Variants in TRIP13 observed in about 807,000 individuals in gnomAD.
The protein encoded by TRIP13 is thyroid hormone receptor interactor 13, also known as pachytene checkpoint protein 2 homolog.
Under a neutral mutation model 54.4 loss-of-function variants are expected in TRIP13, and 25 were observed. The observed-to-expected ratio is 0.46, with a 90% CI of 0.33 to 0.64. TRIP13 has a LOEUF of 0.64. Ranked by LOEUF, TRIP13 falls within the 30% of genes least tolerant of loss-of-function variation. The pLI is 0.02. For missense variants in TRIP13, 373 were observed against 534.2 expected (o/e 0.70, Z 2.97); for synonymous variants, 207 against 207.8 (o/e 1.00, Z 0.03).
intron 2 of TRIP13, among the ~76,000 whole-genome samples, chr5:895,829 A>G (rs573009707): frequency 4.6e-4 from 70 of 152,280 alleles, no homozygotes; most frequent in African/African-American, 1.4e-3. Context: ...TTCTGAACAG[A>G]TGTTTGTTAG....
intron 11 of TRIP13, among the ~76,000 whole-genome samples, chr5:914,848 C>T (rs957830166): frequency 1.6e-4 from 24 of 152,042 alleles, no homozygotes; most frequent in Admixed American, 9.2e-4. Context: ...CTACGGCTGA[C>T]GACACTTACA....
At chr5:896,901 G>A (rs911516397) in intron 3 of TRIP13, 107 bp downstream of exon 3, 4 of 1,298,682 alleles carry the variant, frequency 3.1e-6, no homozygotes, top group Middle Eastern at 2.2e-4. Context: ...TGTTTTGTAG[G>A]ATTTTAGGAT....
chr5:901,368 C>T lies in TRIP13; in HGVS notation c.472C>T (p.Leu158=). The T allele has an allele frequency of 6.2e-7, 1 of 1,614,122 alleles. No homozygotes were observed. The highest frequency in any genetic ancestry group is 8.5e-7 in the Non-Finnish European group (1 of 1,180,010). The part of the protein sequence containing the change: ...HLLDYVMTTL[L]FSDKNVNSNL... ...CCTCGATTATGTGATGACAACTTTA[C>T]TGTTTTCAGACAAGAACGTCAACAG... The change falls in exon 5 of 13, where the codon CTG becomes TTG. Residue 158 remains leucine (L), a synonymous_variant. Transcript: ENST00000166345.
At position 912,222 on chromosome 5, in the gene TRIP13, T is replaced by C. The variant is rs1754250222; in HGVS notation, c.1020+226T>C. Among the ~76,000 whole-genome samples the C allele has an allele frequency of 6.6e-6, 1 of 152,124 alleles. No homozygotes were observed. Among genetic ancestry groups the C allele is most frequent in the Admixed American group, 6.5e-5 (1 of 15,284 alleles). On this transcript the variant is annotated intron_variant, in intron 10 of 12. Coordinates refer to ENST00000166345, the MANE Select transcript of TRIP13 (RefSeq NM_004237.4). This position sits in a 1 kb window ranked among gnomAD's most constrained non-coding sequence, Gnocchi z 7.2. ...TTCTTTTGGCACAATACAGTCATCA[T>C]TGTTCATTATTTGAGGTACCAGTCA...
rs747958332 is a variant in TRIP13 at position 915,862 on chromosome 5, T to C, written c.1134-42T>C. On this transcript the variant is annotated intron_variant, in intron 11 of 12. Coordinates refer to ENST00000166345, the MANE Select transcript of TRIP13 (RefSeq NM_004237.4). This position sits in a 1 kb window ranked among gnomAD's most constrained non-coding sequence, Gnocchi z 4.2. ...GGAAAATTAGTCCTGAAACGTGTGA[T>C]TGTATAAATTGCTGTCTCTGAACTG... 1 of 1,604,806 alleles carries C rather than the reference T, an allele frequency of 6.2e-7. No individual in the cohort carries two copies. The highest frequency in any genetic ancestry group is 1.1e-5 in the South Asian group (1 of 90,926).
chr5:907,985 C>T lies in TRIP13; in HGVS notation c.673-3C>T. On this transcript the variant is annotated splice_region_variant and splice_polypyrimidine_tract_variant and intron_variant, in intron 7 of 12. Transcript: ENST00000166345. This position sits in a 1 kb window ranked among gnomAD's most constrained non-coding sequence, Gnocchi z 4.1. ...TGACACTAAAAGGGTGTTTGGGTTC[C>T]AGAGTGGCAAGCTGGTAACCAAGAT... The T allele has an allele frequency of 6.2e-7, 1 of 1,614,212 alleles. No homozygotes were observed. Among genetic ancestry groups the T allele is most frequent in the Non-Finnish European group, 8.5e-7 (1 of 1,180,026 alleles).
In TRIP13 at chr5:908,059, C is replaced by A; in HGVS notation, c.744C>A (p.Phe248Leu). 1 of 1,614,172 alleles carries A rather than the reference C, an allele frequency of 6.2e-7. No homozygotes were observed. The highest frequency in any genetic ancestry group is 1.1e-5 in the South Asian group (1 of 91,080). ...DLIDDKDALV[F>L]VLIDEVESLT... ...TTGATGATAAAGACGCCCTGGTGTT[C>A]GTGCTGATTGATGAGGTAGGCATTT... is the stretch of plus-strand genomic sequence containing the variant. The change falls in exon 8 of 13, where the codon TTC becomes TTA. Residue 248 changes from phenylalanine (F) to leucine (L), a missense_variant. Coordinates refer to ENST00000166345, the MANE Select transcript of TRIP13 (RefSeq NM_004237.4). The surrounding 1 kb of genome is among the most constrained non-coding windows in gnomAD (Gnocchi z 5.2).
intron 9 of TRIP13, among the ~76,000 whole-genome samples, chr5:909,938 C>G (rs1216912858): frequency 1.8e-4 from 28 of 152,244 alleles, no homozygotes; most frequent in Non-Finnish European, 3.5e-4. Context: ...CGACAACCTT[C>G]TAGTGTGGGC....
Position 911,136 on chromosome 5 carries a change from G to A in TRIP13, c.867-707G>A, listed in dbSNP as rs1754222638. On this transcript the variant is annotated intron_variant, in intron 9 of 12. Coordinates refer to ENST00000166345, the MANE Select transcript of TRIP13 (RefSeq NM_004237.4). This position sits in a 1 kb window ranked among gnomAD's most constrained non-coding sequence, Gnocchi z 4.7. ...GGGGCTCTCTCTATGGAGTTTAGAC[G>A]CTAGAGGGGAGAGCAGATCATGAAC... Among the ~76,000 whole-genome samples the A allele has an allele frequency of 1.3e-5, 2 of 152,232 alleles. No homozygotes were observed. Among genetic ancestry groups the A allele is most frequent in the Admixed American group, 6.5e-5 (1 of 15,284 alleles).
At chr5:904,486 G>A (rs1374428823) in intron 6 of TRIP13, among the ~76,000 whole-genome samples, 2 of 152,134 alleles carry the variant, frequency 1.3e-5, no homozygotes, top group African/African-American at 2.4e-5. Flanking sequence ...TGCAGTGTTC[G>A]TCTCTAATTA....
chr5:904,259 T>G lies in TRIP13; in HGVS notation c.608+39T>G, dbSNP rs12518024. On this transcript the variant is annotated intron_variant, in intron 6 of 12. Coordinates refer to ENST00000166345, the MANE Select transcript of TRIP13 (RefSeq NM_004237.4). ...ATCTGTGAGAGGAGAGCCATGGGAA[T>G]GGGATTTATAACGGGAGGTTGTTTT... is the stretch of plus-strand genomic sequence containing the variant. The G allele has an allele frequency of 0.18, 281,111 of 1,535,654 alleles. 27,350 individuals carry two copies. Among genetic ancestry groups the G allele is most frequent in the Non-Finnish European group, 0.2 (224,086 of 1,137,248 alleles).
At position 912,439 on chromosome 5, in the gene TRIP13, C is replaced by T. The variant is rs922534063; in HGVS notation, c.1020+443C>T. Among the ~76,000 whole-genome samples, 3 of 152,054 alleles carry T rather than the reference C, an allele frequency of 2.0e-5. No individual in the cohort carries two copies. The highest frequency in any genetic ancestry group is 4.4e-5 in the Non-Finnish European group (3 of 68,028). On this transcript the variant is annotated intron_variant, in intron 10 of 12. Transcript: ENST00000166345. This position sits in a 1 kb window ranked among gnomAD's most constrained non-coding sequence, Gnocchi z 7.2. ...TCCACATGACGTCACGTTCTTGAGT[C>T]GCCTGTTGTGATGATAGGCAGGAAC... is the stretch of plus-strand genomic sequence containing the variant.
chr5:893,232 A>G, intron 1 of TRIP13, 142 bp downstream of exon 1: 2 of 850,048 alleles, frequency 2.4e-6, no homozygotes, highest in Non-Finnish European at 1.7e-6. Flanking sequence ...ACCCGGGCGC[A>G]CAGGCCGCCG....
chr5:892,977 C>T lies in TRIP13; in HGVS notation c.-22C>T, dbSNP rs1216710519. ...GGCGGCGGCCGCGCCCTGGTTGGGTCCCCACTGCTCTCGGGGGCGCCATGG... is the reference window on the plus strand; with the variant it reads ...GGCGGCGGCCGCGCCCTGGTTGGGTTCCCACTGCTCTCGGGGGCGCCATGG... On this transcript the variant is annotated 5_prime_UTR_variant, in exon 1 of 13. Coordinates refer to ENST00000166345, the MANE Select transcript of TRIP13 (RefSeq NM_004237.4). The T allele has an allele frequency of 1.4e-5, 22 of 1,537,844 alleles. No homozygotes were observed. The highest frequency in any genetic ancestry group is 4.8e-5 in the South Asian group (4 of 83,096).
In TRIP13 at chr5:910,543, C is replaced by A. The variant is rs1754209403; in HGVS notation, c.867-1300C>A. Among the ~76,000 whole-genome samples, 3 of 152,320 alleles carry A rather than the reference C, an allele frequency of 2.0e-5. 1 individual carries two copies. Among genetic ancestry groups the A allele is most frequent in the Non-Finnish European group, 4.4e-5 (3 of 68,006 alleles). ...ATTCCACACGACGCTGATGGCCTCG[C>A]TGTGCACCTGCCACTCAAACCAGAG... On this transcript the variant is annotated intron_variant, in intron 9 of 12. Coordinates refer to ENST00000166345, the MANE Select transcript of TRIP13 (RefSeq NM_004237.4).
Position 892,922 on chromosome 5 carries a change from C to G in TRIP13, c.-77C>G, listed in dbSNP as rs1026080976. On this transcript the variant is annotated 5_prime_UTR_variant, in exon 1 of 13. Transcript: ENST00000166345. ...GGGCGGGGCCCGCGGGCTGAGGCAG[C>G]GGCTGTGGCGGCGACGCTGGGCGTG... is the stretch of plus-strand genomic sequence containing the variant. 3.0e-6 allele frequency: 4 copies of G among 1,326,272 alleles called. No individual in the cohort carries two copies. Among genetic ancestry groups the G allele is most frequent in the Admixed American group, 3.2e-5 (1 of 31,456 alleles). 82.2% of individuals were successfully genotyped at this position (1,326,272 alleles called of 1,614,324 possible).
chr5:915,950 C>G lies in TRIP13; in HGVS notation c.1180C>G (p.Leu394Val). ...SGRVLRKLPFLAHALYVQAPT... is the reference protein window; with the variant it reads ...SGRVLRKLPFVAHALYVQAPT... ...CCGGGTCCTGAGAAAACTCCCCTTTCTGGCTCATGCGCTGTATGTCCAGGT... is the reference window on the plus strand; with the variant it reads ...CCGGGTCCTGAGAAAACTCCCCTTTGTGGCTCATGCGCTGTATGTCCAGGT... Residue 394 changes from leucine to valine, a missense_variant, in exon 12 of 13, where the codon CTG (leucine) becomes GTG (valine). By Grantham distance (32) the Leu-to-Val change is conservative. Coordinates refer to ENST00000166345, the MANE Select transcript of TRIP13 (RefSeq NM_004237.4). The surrounding 1 kb of genome is among the most constrained non-coding windows in gnomAD (Gnocchi z 4.2). 1.2e-6 allele frequency: 2 copies of G among 1,614,174 alleles called. No individual in the cohort carries two copies. Among genetic ancestry groups the G allele is most frequent in the Non-Finnish European group, 1.7e-6 (2 of 1,180,012 alleles).
At position 915,054 on chromosome 5, in the gene TRIP13, A is replaced by G. The variant is rs1754316664; in HGVS notation, c.1133+477A>G. Among the ~76,000 whole-genome samples, 1 of 152,056 alleles carries G rather than the reference A, an allele frequency of 6.6e-6. No individual in the cohort carries two copies. The highest frequency in any genetic ancestry group is 2.4e-5 in the African/African-American group (1 of 41,376). The stretch of plus-strand genomic sequence containing the variant: ...TGTGGAGGCTGGGGAGGTGCCGGAG[A>G]GGCGGGGGGTGGAATGGACAGAGCC... On this transcript the variant is annotated intron_variant, in intron 11 of 12. Coordinates refer to ENST00000166345, the MANE Select transcript of TRIP13 (RefSeq NM_004237.4). The surrounding 1 kb of genome is among the most constrained non-coding windows in gnomAD (Gnocchi z 4.2).
intron 12 of TRIP13, among the ~76,000 whole-genome samples, 192 bp from the exon 13 acceptor site, chr5:916,816 C>T (rs903940668): frequency 3.9e-5 from 6 of 152,198 alleles, no homozygotes; most frequent in African/African-American, 7.2e-5. Context: ...CCACCTTGTT[C>T]GCCTTTTCTG....
Sources: allele counts gnomAD v4.1 joint callset (sites outside exome capture counted in the v4.1 genomes callset), GRCh38; gene constraint gnomAD v4.1.1; non-coding constraint Gnocchi (gnomAD v3.1); transcripts MANE v1.5; gene names NCBI Gene and HGNC (gene_info 2026-07-23, HGNC 2026-07-21).